The following BMPR2 variants were observed in gnomAD, a reference collection of about 807,000 sequenced individuals.
The protein encoded by BMPR2 is bone morphogenetic protein receptor type 2, also known as bone morphogenetic protein receptor type-2.
A neutral mutation model predicts 100.8 loss-of-function variants in BMPR2; 29 were observed. The ratio of observed to expected loss-of-function variants is 0.29; its 90% CI spans 0.21 to 0.39. The LOEUF (loss-of-function observed/expected upper bound fraction) is 0.39, where lower values mean the gene tolerates loss of function less well. Among genes scored for constraint, BMPR2 ranks in the 10% least tolerant of loss-of-function variants. The probability of loss-of-function intolerance (pLI) is 1.00; values close to 1 mark genes in which losing one functional copy is unlikely to be tolerated. For synonymous variants in BMPR2, 382 were observed against 442.3 expected (o/e 0.86, Z 1.71); for missense variants, 1,011 against 1,274.5 (o/e 0.79, Z 3.15).
Position 202,567,268 on chromosome 2 carries a change from G to A in BMPR2, c.*7322G>A, listed in dbSNP as rs1050655948. 1 of 152,596 alleles carries A rather than the reference G, an allele frequency of 6.6e-6. No homozygotes were observed. The highest frequency in any genetic ancestry group is 1.5e-5 in the Non-Finnish European group (1 of 68,026). 9.5% of individuals were successfully genotyped at this position (152,596 alleles called of 1,614,324 possible). On this transcript the variant is annotated 3_prime_UTR_variant, in exon 13 of 13. Transcript: ENST00000374580. Reference sequence around the variant, plus strand: ...GGACAGGAGAAACATAAGCTACGGAGTATTCACTTCTGAGGATGCTTTTCC... The same window carrying A: ...GGACAGGAGAAACATAAGCTACGGAATATTCACTTCTGAGGATGCTTTTCC...
chr2:202,381,067 C>T (rs868340609), intron 1 of BMPR2, among the ~76,000 whole-genome samples: 8 of 150,472 alleles, frequency 5.3e-5, no homozygotes, highest in Admixed American at 4.0e-4. Flanking sequence ...CTCTGCCTCC[C>T]GGGTTCAAGT....
chr2:202,384,615 C>T (rs535545146), intron 1 of BMPR2, among the ~76,000 whole-genome samples: 3 of 41,798 alleles, frequency 7.2e-5, no homozygotes, highest in South Asian at 6.5e-4. Flanking sequence ...TTTCTTTCGA[C>T]GGAGTTTTGC....
At chr2:202,537,115 C>T (rs144809234) in intron 9 of BMPR2, among the ~76,000 whole-genome samples, 92 of 152,104 alleles carry the variant, frequency 6.0e-4, no homozygotes, top group African/African-American at 2.1e-3. Context: ...AGGCTGGCCT[C>T]GAACTCCTGG....
intron 1 of BMPR2, among the ~76,000 whole-genome samples, chr2:202,384,780 A>C (rs927725296): frequency 2.6e-5 from 4 of 151,786 alleles, no homozygotes; most frequent in Non-Finnish European, 5.9e-5. Flanking sequence ...TGTAGTAGAG[A>C]CGGGGTTTCT....
chr2:202,406,696 C>T (rs1690897840), intron 1 of BMPR2, among the ~76,000 whole-genome samples: 1 of 152,160 alleles, frequency 6.6e-6, no homozygotes, highest in Admixed American at 6.5e-5. Context: ...GATTGGCAGG[C>T]TTTTTGGATC....
At chr2:202,462,679 AGGCCCTTAT>A (rs1692247280) in intron 1 of BMPR2, among the ~76,000 whole-genome samples, 1 of 149,784 alleles carries the variant, frequency 6.7e-6, no homozygotes, top group South Asian at 2.1e-4. Context: ...AACTATCCAC[AGGCCCTTAT>A]GGTTTTGTTT....
At chr2:202,551,802 C>T (rs1406213348) in intron 10 of BMPR2, among the ~76,000 whole-genome samples, 1 of 151,698 alleles carries the variant, frequency 6.6e-6, no homozygotes, top group East Asian at 1.9e-4. Context: ...CGGGTTGAAG[C>T]AATTCTGCCT....
rs540071420 is a variant in BMPR2 at position 202,503,048 on chromosome 2, C to T, written c.419-10671C>T. Among the ~76,000 whole-genome samples, 4 of 152,224 alleles carry T rather than the reference C, an allele frequency of 2.6e-5. No individual in the cohort carries two copies. The highest frequency in any genetic ancestry group is 4.4e-5 in the Non-Finnish European group (3 of 68,036). ...CAACTTCTACTGAGGACTCCTGGAC[C>T]GACCCTCTGGCACTTCCCCTGGCCT... On this transcript the variant is annotated intron_variant, in intron 3 of 12. Coordinates refer to ENST00000374580, the MANE Select transcript of BMPR2 (RefSeq NM_001204.7). The surrounding 1 kb of genome is among the most constrained non-coding windows in gnomAD (Gnocchi z 4.0).
chr2:202,396,184 T>C (rs1690653507), intron 1 of BMPR2, among the ~76,000 whole-genome samples: 1 of 152,200 alleles, frequency 6.6e-6, no homozygotes, highest in South Asian at 2.1e-4. Context: ...AGCAATCCTT[T>C]ATCATCCCTA....
At chr2:202,463,797 G>T (rs1692267065) in intron 1 of BMPR2, among the ~76,000 whole-genome samples, 1 of 152,198 alleles carries the variant, frequency 6.6e-6, no homozygotes, top group South Asian at 2.1e-4. Context: ...ACATTAGGTT[G>T]TCCTTTTAGG....
intron 1 of BMPR2, among the ~76,000 whole-genome samples, chr2:202,435,376 C>CATATATAT (rs141854934): frequency 0.024 from 2,428 of 103,300 alleles, 71 homozygotes; most frequent in Non-Finnish European, 0.032. Flanking sequence ...AAAAAAAATA[C>CATATATAT]ATATATATAT....
rs1688767599 is a variant in BMPR2 at position 202,566,630 on chromosome 2, G to T, written c.*6684G>T. 1 of 152,152 alleles carries T rather than the reference G, an allele frequency of 6.6e-6. No individual in the cohort carries two copies. Among genetic ancestry groups the T allele is most frequent in the Non-Finnish European group, 1.5e-5 (1 of 67,996 alleles). 9.4% of individuals were successfully genotyped at this position (152,152 alleles called of 1,614,324 possible). ...GTTTGTTTTTTAATAAGGGAACTTG[G>T]TAAAGTAGTTCCTGTCAGATAGGAT... On this transcript the variant is annotated 3_prime_UTR_variant, in exon 13 of 13. Coordinates refer to ENST00000374580, the MANE Select transcript of BMPR2 (RefSeq NM_001204.7).
At chr2:202,469,851 A>G (rs891575211) in intron 3 of BMPR2, among the ~76,000 whole-genome samples, 21 of 151,454 alleles carry the variant, frequency 1.4e-4, no homozygotes, top group South Asian at 6.3e-4. Context: ...AGGGGGGGAA[A>G]AAAAGCCCTG....
chr2:202,465,126 C>G, intron 2 of BMPR2, 147 bp downstream of exon 2: 1 of 1,050,924 alleles, frequency 9.5e-7, no homozygotes. Flanking sequence ...TGGCTCATGC[C>G]TGTAATTCCA....
intron 1 of BMPR2, among the ~76,000 whole-genome samples, chr2:202,459,737 A>G (rs1692189472): frequency 6.6e-6 from 1 of 152,230 alleles, no homozygotes; most frequent in Non-Finnish European, 1.5e-5. Flanking sequence ...AACAAAAGCA[A>G]AAGCAAAACA....
intron 10 of BMPR2, among the ~76,000 whole-genome samples, chr2:202,550,995 C>T (rs775044096): frequency 2.4e-5 from 3 of 127,016 alleles, no homozygotes; most frequent in Non-Finnish European, 4.7e-5. Flanking sequence ...CTTGCTCTGT[C>T]GCCCAGGCTG....
chr2:202,392,991 CAAAAA>C (rs57464494), intron 1 of BMPR2, among the ~76,000 whole-genome samples: 3 of 95,774 alleles, frequency 3.1e-5, no homozygotes, highest in Non-Finnish European at 4.4e-5. Flanking sequence ...AACTCCGTCT[CAAAAA>C]AAAAAAAAAA....
At position 202,391,854 on chromosome 2, in the gene BMPR2, C is replaced by T. The variant is rs564102944; in HGVS notation, c.76+14304C>T. 8.4e-4 allele frequency among the ~76,000 whole-genome samples: 128 copies of T among 152,042 alleles called. 2 individuals are homozygous for T. Among genetic ancestry groups the T allele is most frequent in the Admixed American group, 1.8e-3 (28 of 15,256 alleles). On this transcript the variant is annotated intron_variant, in intron 1 of 12. Transcript: ENST00000374580. The stretch of plus-strand genomic sequence containing the variant: ...TTGGCTCACTGCAACCTCCGCCTCC[C>T]GGGTTCAAGCGATTCTCCTACCTCA...
At chr2:202,493,177 GT>G (rs1692943806) in intron 3 of BMPR2, among the ~76,000 whole-genome samples, 1 of 152,058 alleles carries the variant, frequency 6.6e-6, no homozygotes, top group Admixed American at 6.6e-5. Flanking sequence ...TTTTTAATTT[GT>G]TTTGTTTTAA....
Sources: gnomAD v4.1 joint callset for allele counts (sites outside exome capture counted in the v4.1 genomes callset) on GRCh38, gnomAD v4.1.1 for gene constraint, Gnocchi (gnomAD v3.1) non-coding constraint, MANE v1.5 for transcripts, NCBI Gene and HGNC (gene_info 2026-07-23, HGNC 2026-07-21) for gene names.